CDH16: variants seen among roughly 807,000 people sequenced by gnomAD.
CDH16 encodes cadherin-16.
In CDH16, 79 loss-of-function variants were observed where a neutral mutation model predicts 87.6. The observed-to-expected ratio is 0.90, with a 90% CI of 0.75 to 1.09. CDH16 has a LOEUF of 1.09. Ranked by LOEUF, CDH16 falls within the 50% of genes least tolerant of loss-of-function variation. The pLI, the probability that CDH16 is intolerant of heterozygous loss-of-function variation, is 0.00. For synonymous variants in CDH16, 457 were observed against 439.5 expected (o/e 1.04, Z -0.50); for missense variants, 1,124 against 1,071.7 (o/e 1.05, Z -0.68).
rs761786277 is a variant in CDH16, at chr16:66,915,378, C to G, written c.425G>C (p.Gly142Ala). ...AGCCTCAAGGAAGAGGAAGGGGATG[C>G]CTGGTTCACGGTGGGAGGGCAAACT... ...RARLSRGTRP[G>A]IPFLFLEASD... Residue 142 changes from glycine to alanine, a missense_variant and splice_region_variant, in exon 6 of 18, where the codon GGC becomes GCC. Coordinates refer to ENST00000299752, the MANE Select transcript of CDH16 (RefSeq NM_004062.4). The G allele has an allele frequency of 1.2e-6, 2 of 1,613,218 alleles. No individual in the cohort carries two copies. Among genetic ancestry groups the G allele is most frequent in the Admixed American group, 3.3e-5 (2 of 59,938 alleles).
At chr16:66,915,413 A>G (rs201092000) in intron 5 of CDH16, 35 bp from the exon 6 acceptor site, 2 of 1,604,302 alleles carry the variant, frequency 1.2e-6, no homozygotes, top group African/African-American at 2.7e-5. Context: ...TGTAAGGGAT[A>G]GAGAGGGTGG....
chr16:66,915,424 G>C, intron 5 of CDH16, 46 bp from the exon 6 acceptor site: 1 of 1,588,842 alleles, frequency 6.3e-7, no homozygotes, highest in Non-Finnish European at 8.6e-7. Context: ...GAGAGGGTGG[G>C]GAGAGTCTCC....
intron 7 of CDH16, 137 bp downstream of exon 7, chr16:66,914,065 CACCCCAGTCCACAG>C: frequency 1.5e-6 from 1 of 666,662 alleles, no homozygotes; most frequent in Non-Finnish European, 2.5e-6. Flanking sequence ...GGGCCTTGAA[CACCCCAGTCCACAG>C]TGGGAAGTAA....
At chr16:66,918,416 G>C (rs1962784629) in intron 1 of CDH16, among the ~76,000 whole-genome samples, 1 of 152,260 alleles carries the variant, frequency 6.6e-6, no homozygotes, top group South Asian at 2.1e-4. Flanking sequence ...AAAGTTTGAA[G>C]CTGGAAAGTT....
rs763166271 is a variant in CDH16 at position 66,909,532 on chromosome 16, G to A, written c.2276-149C>T. 55 of 640,124 alleles carry A rather than the reference G, an allele frequency of 8.6e-5. 1 individual carries two copies. Among genetic ancestry groups the A allele is most frequent in the African/African-American group, 3.4e-4 (19 of 55,706 alleles). The allele number at this position is 640,124 out of a possible 1,614,324, so 39.7% of individuals were successfully genotyped here. ...GTGAAGATATATGCGCTAGCCAGGC[G>A]TGGTGGCTCACACCTGTAATCCCAG... On this transcript the variant is annotated intron_variant, in intron 16 of 17. Transcript: ENST00000299752. The surrounding 1 kb of genome is among the most constrained non-coding windows in gnomAD (Gnocchi z 4.1).
At chr16:66,915,155 T>C (rs1278854866) in intron 6 of CDH16, 65 bp downstream of exon 6, 3 of 1,468,192 alleles carry the variant, frequency 2.0e-6, no homozygotes, top group East Asian at 2.3e-5. Flanking sequence ...TGTCTTATGG[T>C]TCAGATACCA....
At chr16:66,915,545 C>A in intron 5 of CDH16, 167 bp from the exon 6 acceptor site, 1 of 704,648 alleles carries the variant, frequency 1.4e-6, no homozygotes, top group Admixed American at 3.2e-5. Flanking sequence ...CAAACTGAAG[C>A]CAAGAATGGA....
In CDH16 at chr16:66,910,362, G is replaced by A; in HGVS notation, c.2065C>T (p.Pro689Ser). 6.2e-7 allele frequency: 1 copy of A among 1,613,850 alleles called. No homozygotes were observed. Among genetic ancestry groups the A allele is most frequent in the Non-Finnish European group, 8.5e-7 (1 of 1,179,880 alleles). ...RQDHGLIVSG[P>S]SKDPDLASGH... is the part of the protein sequence containing the mutation. ...CTGGCCAGATCGGGGTCCTTGCTGG[G>A]TCCACTCACGATCAAGCCATGGTCT... Residue 689 changes from proline to serine, a missense_variant, in exon 15 of 18, where the codon CCC (proline) becomes TCC (serine). Physicochemically the swap from Pro to Ser is moderately conservative, Grantham distance 74. Coordinates refer to ENST00000299752, the MANE Select transcript of CDH16 (RefSeq NM_004062.4).
At chr16:66,912,170 G>C (rs75675064) in intron 12 of CDH16, 30 bp from the exon 13 acceptor site, 79 of 1,606,478 alleles carry the variant, frequency 4.9e-5, no homozygotes, top group Non-Finnish European at 6.1e-5. Context: ...GTCACTGTGC[G>C]GGCCTGGGCA....
intron 6 of CDH16, among the ~76,000 whole-genome samples, chr16:66,914,668 G>A (rs1962599695): frequency 6.6e-6 from 1 of 152,202 alleles, no homozygotes; most frequent in Non-Finnish European, 1.5e-5. Context: ...ACCAGGATGA[G>A]GAGATGGGTA....
chr16:66,912,971 A>G, intron 9 of CDH16, 80 bp from the exon 10 acceptor site: 7 of 1,444,862 alleles, frequency 4.8e-6, no homozygotes, highest in South Asian at 3.7e-5. Context: ...TTTTGTGCCA[A>G]ACTAAACTGA....
At chr16:66,917,836 T>C in intron 2 of CDH16, 111 bp from the exon 3 acceptor site, 2 of 1,063,388 alleles carry the variant, frequency 1.9e-6, no homozygotes, top group Non-Finnish European at 1.4e-6. Flanking sequence ...TGTACCTTAG[T>C]CCATCCACCC....
At position 66,913,226 on chromosome 16, in the gene CDH16, A is replaced by G; in HGVS notation, c.959T>C (p.Leu320Pro). 6.3e-7 allele frequency: 1 copy of G among 1,591,678 alleles called. No homozygotes were observed. The highest frequency in any genetic ancestry group is 1.2e-5 in the South Asian group (1 of 86,850). Residue 320 changes from leucine (L) to proline (P), a missense_variant, in exon 9 of 18, where the codon CTG becomes CCG. Transcript: ENST00000299752. ...ATCCATCACCAGCACGTGCAGCTCC[A>G]GAGGGGCCGCATAGTCCTCGCCATG... The part of the protein sequence containing the change: ...NSHGEDYAAP[L>P]ELHVLVMDEN...
At chr16:66,913,802 A>T (rs796795051) in intron 7 of CDH16, among the ~76,000 whole-genome samples, 189 bp from the exon 8 acceptor site, 19 of 152,294 alleles carry the variant, frequency 1.2e-4, no homozygotes, top group African/African-American at 4.6e-4. Flanking sequence ...GCCCTGATCC[A>T]AGCCTGGACC....
At chr16:66,912,993 T>A (rs1962501882) in intron 9 of CDH16, 102 bp from the exon 10 acceptor site, 10 of 211,996 alleles carry the variant, frequency 4.7e-5, no homozygotes, top group South Asian at 1.2e-4. Flanking sequence ...TTTGAGCTCG[T>A]GTGTGTGTGT....
intron 1 of CDH16, 80 bp from the exon 2 acceptor site, chr16:66,918,158 G>C (rs952188111): frequency 4.2e-6 from 4 of 948,228 alleles, no homozygotes; most frequent in Non-Finnish European, 6.2e-6. Context: ...TAGTGGGATC[G>C]TACTGCAGAC....
rs1228549688 is a variant in CDH16 at position 66,912,334 on chromosome 16, T to C, written c.1456A>G (p.Met486Val). The C allele has an allele frequency of 6.2e-7, 1 of 1,614,088 alleles. No individual in the cohort carries two copies. Among genetic ancestry groups the C allele is most frequent in the South Asian group, 1.1e-5 (1 of 91,082 alleles). The part of the protein sequence containing the change: ...DADLEPAFRL[M>V]DFAIERGDTE... ...TCTCCCCTCTCAATGGCAAAATCCA[T>C]GAGGCGGAAGGCGGGCTCGAGGTCA... Residue 486 changes from methionine (M) to valine (V), a missense_variant, in exon 12 of 18, where the codon ATG (methionine) becomes GTG (valine). Physicochemically the swap from Met to Val is conservative, Grantham distance 21. Transcript: ENST00000299752.
rs1201679088 is a variant in CDH16, at chr16:66,916,127, T to A, written c.362A>T (p.Asp121Val). Residue 121 changes from aspartate (D) to valine (V), a missense_variant, in exon 5 of 18, where the codon GAC (aspartate) becomes GTC (valine). Coordinates refer to ENST00000299752, the MANE Select transcript of CDH16 (RefSeq NM_004062.4). The surrounding 1 kb of genome is among the most constrained non-coding windows in gnomAD (Gnocchi z 4.1). The part of the protein sequence containing the change: ...PVLVHVKDEN[D>V]QVPHFSQAIY... ...GGCTTGAGAGAAATGGGGCACCTGG[T>A]CATTCTCATCCTTCACGTGCACAAG... 6.2e-7 allele frequency: 1 copy of A among 1,614,212 alleles called. No homozygotes were observed. The highest frequency in any genetic ancestry group is 1.1e-5 in the South Asian group (1 of 91,092).
chr16:66,915,180 C>T (rs1567535550), intron 6 of CDH16, 40 bp downstream of exon 6: 2 of 1,551,384 alleles, frequency 1.3e-6, no homozygotes. Context: ...CTCCAGCTTT[C>T]TCTGACCCTC....
Sources: allele counts gnomAD v4.1 joint callset (sites outside exome capture counted in the v4.1 genomes callset), GRCh38; gene constraint gnomAD v4.1.1; non-coding constraint Gnocchi (gnomAD v3.1); transcripts MANE v1.5; gene names NCBI Gene and HGNC (gene_info 2026-07-23, HGNC 2026-07-21).